The following PACRGL variants were observed in gnomAD, a reference collection of about 807,000 sequenced individuals.
PACRGL encodes the protein parkin coregulated like.
PACRGL carries 38 observed loss-of-function variants against 34.5 expected under a neutral mutation model. That is an observed-to-expected ratio of 1.10 (90% CI 0.85 to 1.44). The LOEUF (loss-of-function observed/expected upper bound fraction) is 1.44, where lower values mean the gene tolerates loss of function less well. PACRGL is among the 40% of genes most tolerant of loss of function. The probability of loss-of-function intolerance (pLI) is 0.00; values close to 1 mark genes in which losing one functional copy is unlikely to be tolerated. For synonymous variants in PACRGL, 128 were observed against 100.1 expected, an observed-to-expected ratio of 1.28 and a Z score of -1.66; for missense variants, 305 against 281.4, an observed-to-expected ratio of 1.08 and a Z score of -0.60.
Position 20,728,831 on chromosome 4 carries a change from T to C in PACRGL, c.*1490T>C, listed in dbSNP as rs1345044390. On this transcript the variant is annotated 3_prime_UTR_variant, in exon 9 of 9. Coordinates refer to ENST00000503585, the MANE Select transcript of PACRGL (RefSeq NM_001258345.3). ...GACAGTTGCAAATTTCCTCCTTCTG[T>C]AGCCTCTTGGTCTTTGTGATATTTC... The C allele has an allele frequency of 1.3e-5, 2 of 152,572 alleles. No individual in the cohort carries two copies. The highest frequency in any genetic ancestry group is 3.9e-4 in the East Asian group (2 of 5,192). 9.5% of individuals were successfully genotyped at this position (152,572 alleles called of 1,614,324 possible). A position where few individuals can be genotyped will look rare whatever the true frequency, so the allele number is the denominator to read the frequency against.
upstream of PACRGL, among the ~76,000 whole-genome samples, chr4:20,699,559 G>A (rs1031019991): frequency 6.6e-5 from 10 of 152,186 alleles, no homozygotes; most frequent in African/African-American, 2.2e-4. Flanking sequence ...TGCTTCTGGG[G>A]TGCTGGTCAA....
At chr4:20,739,737 A>G (rs1448225211) in intron 8 of PACRGL, among the ~76,000 whole-genome samples, 1 of 152,182 alleles carries the variant, frequency 6.6e-6, no homozygotes, top group Non-Finnish European at 1.5e-5. Flanking sequence ...TGGATGGAGA[A>G]TGACTTTGAT....
At chr4:20,706,988 A>C (rs1030156578) in intron 3 of PACRGL, among the ~76,000 whole-genome samples, 1 of 152,212 alleles carries the variant, frequency 6.6e-6, no homozygotes, top group Non-Finnish European at 1.5e-5. Context: ...TTTTAAGCAC[A>C]TTTTAAAACT....
At chr4:20,744,738 G>A (rs572233106) in intron 8 of PACRGL, among the ~76,000 whole-genome samples, 64 of 152,202 alleles carry the variant, frequency 4.2e-4, no homozygotes, top group African/African-American at 1.4e-3. Flanking sequence ...TGCACATTTT[G>A]CACATGTACC....
Position 20,727,355 on chromosome 4 carries a change from C to CAAA in PACRGL, c.*17_*19dup. 1 of 1,605,884 alleles carries CAAA rather than the reference C, an allele frequency of 6.2e-7. No homozygotes were observed. Among genetic ancestry groups the CAAA allele is most frequent in the African/African-American group, 1.3e-5 (1 of 74,800 alleles). Reference sequence around the variant, plus strand: ...ATATGCTGTTGAAGAAGGGAGCCAACAAAAATTGTTTTTTCTACCTGTTGA... The same window carrying CAAA: ...ATATGCTGTTGAAGAAGGGAGCCAACAAAAAAAATTGTTTTTTCTACCTGTTGA... On this transcript the variant is annotated 3_prime_UTR_variant, in exon 9 of 9. Transcript: ENST00000503585.
At position 20,708,245 on chromosome 4, in the gene PACRGL, T is replaced by C. The variant is rs574341202; in HGVS notation, c.275+375T>C. Among the ~76,000 whole-genome samples the C allele has an allele frequency of 1.1e-3, 161 of 152,292 alleles. 1 individual carries two copies. The highest frequency in any genetic ancestry group is 3.7e-3 in the African/African-American group (152 of 41,580). On this transcript the variant is annotated intron_variant, in intron 4 of 8. Transcript: ENST00000503585. ...TTGTTTATATTTCATAATAAATACA[T>C]ATGGCTGTTTTTGCTTCATTTTGGA...
At chr4:20,760,024 G>A in the PACRGL span, among the ~76,000 whole-genome samples, 1 of 152,176 alleles carries the variant, frequency 6.6e-6, no homozygotes, top group Non-Finnish European at 1.5e-5. Flanking sequence ...TTTGGCAGTG[G>A]ATGCTGAAGC....
chr4:20,716,138 C>T, intron 7 of PACRGL: 1 of 1,487,096 alleles, frequency 6.7e-7, no homozygotes, highest in Non-Finnish European at 9.1e-7. Flanking sequence ...TTCCCAAGAC[C>T]ACTCTTAGGT....
intron 4 of PACRGL, among the ~76,000 whole-genome samples, 166 bp downstream of exon 4, chr4:20,708,036 G>A (rs185750596): frequency 1.0e-3 from 159 of 152,270 alleles, no homozygotes; most frequent in African/African-American, 3.7e-3. Context: ...CCTGGATGTT[G>A]TTGAAGAAAA....
rs533354723 is a variant in PACRGL, at chr4:20,714,897, C to T, written c.609+1358C>T. 1.1e-4 allele frequency among the ~76,000 whole-genome samples: 17 copies of T among 152,176 alleles called. No homozygotes were observed. In the South Asian group the frequency reaches 3.5e-3, roughly 32 times the overall value. On this transcript the variant is annotated intron_variant, in intron 7 of 8. Transcript: ENST00000503585. Reference sequence around the variant, plus strand: ...CTCAGGGATCTAGAACTAGAAATACCATTTGACCCAGCCATCCCATTACTG... The same window carrying T: ...CTCAGGGATCTAGAACTAGAAATACTATTTGACCCAGCCATCCCATTACTG...
Position 20,730,771 on chromosome 4 carries a change from G to GAGTT in PACRGL, c.*3433_*3436dup, listed in dbSNP as rs140934097. Among the ~76,000 whole-genome samples, 349 of 152,282 alleles carry GAGTT rather than the reference G, an allele frequency of 2.3e-3. 7 individuals carry two copies. The South Asian group carries it at 0.046, about 20-fold the overall frequency. ...TCAGTTTAGCATATTCTTTAGAAAT[G>GAGTT]AGTTAGGGGACAGACTTTGGGCATT... On this transcript the variant is annotated 3_prime_UTR_variant, in exon 9 of 9. Coordinates refer to ENST00000503585, the MANE Select transcript of PACRGL (RefSeq NM_001258345.3).
the PACRGL span, chr4:20,767,275 A>G: frequency 6.6e-6 from 1 of 152,166 alleles, no homozygotes; most frequent in Non-Finnish European, 1.5e-5. Context: ...ATCTAATATC[A>G]TCAGAATTTA....
At chr4:20,749,776 A>G (rs1049471516) in intron 8 of PACRGL, 1 of 1,336,934 alleles carries the variant, frequency 7.5e-7, no homozygotes, top group Non-Finnish European at 1.1e-6. Flanking sequence ...GTGTTTCCAT[A>G]TCCTACATAA....
intron 1 of PACRGL, chr4:20,702,307 C>T (rs1732543130): frequency 2.3e-6 from 1 of 428,466 alleles, no homozygotes; most frequent in Non-Finnish European, 4.7e-6. Flanking sequence ...CTTTGCTGTG[C>T]ATCGCTTTTA....
rs145683658 is a variant in PACRGL at position 20,738,016 on chromosome 4, C to T, written c.*56+10619C>T. 1.1e-3 allele frequency among the ~76,000 whole-genome samples: 166 copies of T among 152,018 alleles called. 1 individual carries two copies. The highest frequency in any genetic ancestry group is 3.9e-3 in the African/African-American group (160 of 41,454). On this transcript the variant is annotated intron_variant, in intron 8 of 8. Coordinates refer to the PACRGL transcript ENST00000507634. Reference sequence around the variant, plus strand: ...GTATGGTGGTGCACACCTGTTGTCCCAGCTACCTGGGAGGCTGAGATGGGA... The same window carrying T: ...GTATGGTGGTGCACACCTGTTGTCCTAGCTACCTGGGAGGCTGAGATGGGA...
chr4:20,714,074 A>G (rs1054047358), intron 7 of PACRGL, among the ~76,000 whole-genome samples: 8 of 152,058 alleles, frequency 5.3e-5, no homozygotes, highest in African/African-American at 1.9e-4. Context: ...TGTCTCGTTG[A>G]TCTGTCTAAT....
At chr4:20,711,587 A>G (rs997667805) in intron 5 of PACRGL, among the ~76,000 whole-genome samples, 36 of 147,222 alleles carry the variant, frequency 2.4e-4, no homozygotes, top group Admixed American at 9.4e-4. Context: ...TCTGAAGGAC[A>G]AATTATTTGA....
chr4:20,702,271 C>T (rs1251953665), intron 1 of PACRGL: 4 of 454,224 alleles, frequency 8.8e-6, no homozygotes, highest in Admixed American at 2.4e-5. Flanking sequence ...GCTGCCTGTG[C>T]CCTTGTTATG....
At chr4:20,716,036 G>A in intron 7 of PACRGL, 1 of 1,412,486 alleles carries the variant, frequency 7.1e-7, no homozygotes, top group Non-Finnish European at 9.4e-7. Context: ...TAGTGAATCT[G>A]TAAATTGCAT....
Sources: gnomAD v4.1 joint callset for allele counts (sites outside exome capture counted in the v4.1 genomes callset) on GRCh38, gnomAD v4.1.1 for gene constraint, MANE v1.5 for transcripts, NCBI Gene and HGNC (gene_info 2026-07-23, HGNC 2026-07-21) for gene names.